Variants in MIER1 observed in about 807,000 individuals in gnomAD.
MIER1 encodes the protein MIER1 transcriptional regulator.
In MIER1, 40 loss-of-function variants were observed where a neutral mutation model predicts 75.7. The ratio of observed to expected loss-of-function variants is 0.53; its 90% CI spans 0.41 to 0.69. The LOEUF (loss-of-function observed/expected upper bound fraction) is 0.69, where lower values mean the gene tolerates loss of function less well. MIER1 is among the 30% of genes least tolerant of loss of function. The pLI is 0.00. For missense variants in MIER1, 574 were observed against 680.2 expected (o/e 0.84, Z 1.74); for synonymous variants, 213 against 223.4 (o/e 0.95, Z 0.42).
chr1:66,982,883 C>T (rs767105682), intron 13 of MIER1, among the ~76,000 whole-genome samples: 1 of 152,212 alleles, frequency 6.6e-6, no homozygotes, highest in East Asian at 1.9e-4. Context: ...GACTTGATGT[C>T]TAATGTTTGT....
chr1:66,942,595 A>AT (rs887536913), intron 3 of MIER1, among the ~76,000 whole-genome samples: 151 of 148,344 alleles, frequency 1.0e-3, no homozygotes, highest in African/African-American at 2.0e-3. Context: ...ATTATTGGGA[A>AT]TTTTTTTTTT....
intron 4 of MIER1, among the ~76,000 whole-genome samples, chr1:66,948,976 G>GT: frequency 6.6e-6 from 1 of 152,146 alleles, no homozygotes; most frequent in Non-Finnish European, 1.5e-5. Flanking sequence ...CAGAACTATT[G>GT]TTTAAAAGTA....
chr1:66,970,843 G>A lies in MIER1; in HGVS notation c.808G>A (p.Glu270Lys). 1 of 1,583,800 alleles carries A rather than the reference G, an allele frequency of 6.3e-7. No homozygotes were observed. Residue 270 changes from glutamate (E) to lysine (K), a missense_variant, in exon 9 of 14, where the codon GAG becomes AAG. Physicochemically the swap from Glu to Lys is moderately conservative, Grantham distance 56. Around this residue, in one of 3 missense-constraint regions of MIER1, gnomAD observed 309 missense variants for 352.8 expected, o/e 0.88. Transcript: ENST00000401041. ...ENDDQLLWDP[E>K]YLPEDKVIIF... Reference sequence around the variant, plus strand: ...TGATGATCAGCTCCTGTGGGACCCTGAGTACTTACCAGAAGATAAAGTGAT... The same window carrying A: ...TGATGATCAGCTCCTGTGGGACCCTAAGTACTTACCAGAAGATAAAGTGAT...
chr1:66,953,335 T>C lies in MIER1; in HGVS notation c.340-4724T>C, dbSNP rs1659393580. Among the ~76,000 whole-genome samples, 3 of 152,200 alleles carry C rather than the reference T, an allele frequency of 2.0e-5. No individual in the cohort carries two copies. The South Asian group carries it at 6.2e-4, about 31-fold the overall frequency. ...AGTTAGCACAAAGCAGGAACACAAA[T>C]ACATGCTATTGCAATTTGAAACAGG... On this transcript the variant is annotated intron_variant, in intron 4 of 13. Transcript: ENST00000401041.
intron 10 of MIER1, among the ~76,000 whole-genome samples, chr1:66,972,259 T>TATAG (rs147846200): frequency 1.0e-5 from 1 of 96,510 alleles, no homozygotes; most frequent in Non-Finnish European, 2.3e-5. Flanking sequence ...TATATATATA[T>TATAG]ATAGATATGT....
In MIER1 at chr1:66,929,960, G is replaced by A. The variant is rs112515435; in HGVS notation, c.168+3718G>A. 6.1e-3 allele frequency among the ~76,000 whole-genome samples: 923 copies of A among 152,314 alleles called. 7 individuals are homozygous for A. The highest frequency in any genetic ancestry group is 0.021 in the African/African-American group (862 of 41,564). On this transcript the variant is annotated intron_variant, in intron 2 of 13. Transcript: ENST00000401041. ...ATTTTTCCTCTGCTGTGTCAATGCT[G>A]GATGTGACTCCTTTGGCACTGTTCC...
intron 1 of MIER1, 116 bp from the exon 2 acceptor site, chr1:66,926,026 G>T: frequency 3.5e-5 from 24 of 678,484 alleles, no homozygotes; most frequent in African/African-American, 5.5e-5. Context: ...AAATTGTCAT[G>T]GGATCCTTGT....
chr1:66,926,139 C>T lies in MIER1; in HGVS notation c.68-3C>T, dbSNP rs1330878251. ...TACTGAGGCTCTCTTTCCTTTGATC[C>T]AGATGGTGTGGTCGCTCGATTCTCC... On this transcript the variant is annotated splice_region_variant and splice_polypyrimidine_tract_variant and intron_variant, in intron 1 of 13. Transcript: ENST00000401041. 1.2e-6 allele frequency: 2 copies of T among 1,612,540 alleles called. No individual in the cohort carries two copies. The highest frequency in any genetic ancestry group is 2.7e-5 in the African/African-American group (2 of 74,866).
At chr1:66,958,299 T>C (rs1189092981) in intron 5 of MIER1, 79 bp downstream of exon 5, 2 of 926,576 alleles carry the variant, frequency 2.2e-6, no homozygotes, top group East Asian at 3.0e-5. Flanking sequence ...TTTTGATTAC[T>C]TGTCTTTATA....
In MIER1 at chr1:66,962,988, CAG is replaced by C. The variant is rs1291365236; in HGVS notation, c.700-96_700-95del. On this transcript the variant is annotated intron_variant, in intron 7 of 13. Transcript: ENST00000401041. The stretch of plus-strand genomic sequence containing the variant: ...AATTGGTTGTTTTTGTATTTTATGA[CAG>C]AGAAACCAGGAACAGTTTACTAAGA... The C allele has an allele frequency of 9.3e-6, 7 of 755,970 alleles. No homozygotes were observed. The African/African-American group carries it at 1.1e-4, about 12-fold the overall frequency. The allele number at this position is 755,970 out of a possible 1,614,324, so 46.8% of individuals were successfully genotyped here.
rs532428845 is a variant in MIER1 at position 66,939,919 on chromosome 1, A to G, written c.169-109A>G. ...ATTAAAACTAAAATGCAGACATTAA[A>G]ACTTACTGTAGTTTTTGGCATCATA... is the stretch of plus-strand genomic sequence containing the variant. On this transcript the variant is annotated intron_variant, in intron 2 of 13. Coordinates refer to ENST00000401041, the MANE Select transcript of MIER1 (RefSeq NM_001077700.3). 33 of 831,790 alleles carry G rather than the reference A, an allele frequency of 4.0e-5. 1 individual carries two copies. The Admixed American group carries it at 5.4e-4, about 14-fold the overall frequency. The allele number at this position is 831,790 out of a possible 1,614,324, so 51.5% of individuals were successfully genotyped here. A position where few individuals can be genotyped will look rare whatever the true frequency, so the allele number is the denominator to read the frequency against.
At chr1:66,957,464 C>A (rs1660364685) in intron 4 of MIER1, among the ~76,000 whole-genome samples, 1 of 151,672 alleles carries the variant, frequency 6.6e-6, no homozygotes, top group Non-Finnish European at 1.5e-5. Flanking sequence ...ATAACAAGTC[C>A]GTATGATAGA....
At chr1:66,948,268 A>G (rs1188907108) in intron 4 of MIER1, 5 of 911,416 alleles carry the variant, frequency 5.5e-6, no homozygotes, top group Non-Finnish European at 6.6e-6. Flanking sequence ...CATGATAAAA[A>G]GAACATAAGA....
In MIER1 at chr1:66,988,317, G is replaced by A. The variant is rs148136456; in HGVS notation, c.*3417G>A. 2.0e-4 allele frequency: 31 copies of A among 152,290 alleles called. No individual in the cohort carries two copies. Among genetic ancestry groups the A allele is most frequent in the African/African-American group, 7.2e-4 (30 of 41,514 alleles). 9.4% of individuals were successfully genotyped at this position (152,290 alleles called of 1,614,324 possible). On this transcript the variant is annotated 3_prime_UTR_variant, in exon 14 of 14. Transcript: ENST00000401041. The stretch of plus-strand genomic sequence containing the variant: ...AATTCTACTGATACAACTTTTTACC[G>A]TAAAAATTAACTCTCTTCTTTAATA...
chr1:66,948,187 G>A (rs1444243418), intron 4 of MIER1: 13 of 914,498 alleles, frequency 1.4e-5, no homozygotes, highest in Non-Finnish European at 1.6e-5. Flanking sequence ...CAAAAGTATT[G>A]TATGAATGAA....
chr1:66,928,536 C>A (rs1320304848), intron 2 of MIER1, among the ~76,000 whole-genome samples: 1 of 152,174 alleles, frequency 6.6e-6, no homozygotes, highest in Non-Finnish European at 1.5e-5. Context: ...CTCTAGGCCC[C>A]TAATTGTGTC....
intron 4 of MIER1, chr1:66,946,989 C>T (rs1483640269): frequency 1.0e-6 from 1 of 985,318 alleles, no homozygotes; most frequent in East Asian, 1.1e-4. Flanking sequence ...TTTGGACCTT[C>T]TTTTTTTCTC....
At chr1:66,982,572 G>A (rs2102088392) in intron 13 of MIER1, among the ~76,000 whole-genome samples, 1 of 152,258 alleles carries the variant, frequency 6.6e-6, no homozygotes, top group South Asian at 2.1e-4. Flanking sequence ...TTGATTAAAT[G>A]GTCTTTTTAA....
At chr1:66,979,771 T>C (rs1029758084) in intron 12 of MIER1, among the ~76,000 whole-genome samples, 2 of 152,122 alleles carry the variant, frequency 1.3e-5, no homozygotes, top group Non-Finnish European at 2.9e-5. Flanking sequence ...GGCTTTTTTT[T>C]TTTTTTTAAA....
Sources: gnomAD v4.1 joint callset for allele counts (sites outside exome capture counted in the v4.1 genomes callset) on GRCh38, gnomAD v4.1.1 for gene constraint, gnomAD v4.1.1 regional missense constraint, MANE v1.5 for transcripts, NCBI Gene and HGNC (gene_info 2026-07-23, HGNC 2026-07-21) for gene names.